PDE3B: variants seen among roughly 807,000 people sequenced by gnomAD.
PDE3B encodes cGMP-inhibited 3',5'-cyclic phosphodiesterase 3B.
PDE3B carries 66 observed loss-of-function variants against 116.8 expected under a neutral mutation model. The observed-to-expected ratio is 0.56, with a 90% CI of 0.46 to 0.69. The LOEUF is 0.69. PDE3B is among the 30% of genes least tolerant of loss of function. The pLI, the probability that PDE3B is intolerant of heterozygous loss-of-function variation, is 0.00. For missense variants in PDE3B, 1,384 were observed against 1,368.1 expected, an observed-to-expected ratio of 1.01 and a Z score of -0.18; for synonymous variants, 595 against 533.6, an observed-to-expected ratio of 1.12 and a Z score of -1.59.
intron 1 of PDE3B, among the ~76,000 whole-genome samples, chr11:14,760,488 A>G (rs533575448): frequency 4.0e-4 from 61 of 152,338 alleles, no homozygotes; most frequent in African/African-American, 1.3e-3. Context: ...ATGAATTAGT[A>G]AACAGTTCCT....
At chr11:14,762,444 T>C (rs1857387709) in intron 1 of PDE3B, among the ~76,000 whole-genome samples, 1 of 152,212 alleles carries the variant, frequency 6.6e-6, no homozygotes, top group South Asian at 2.1e-4. Flanking sequence ...GGAATGAATC[T>C]TTATTGAACT....
the PDE3B span, chr11:14,890,308 G>T: frequency 4.3e-6 from 1 of 232,074 alleles, no homozygotes; most frequent in Non-Finnish European, 7.1e-6. Flanking sequence ...TATTTCTCTA[G>T]AATATTATGA....
chr11:14,661,753 A>T (rs1371249150), intron 1 of PDE3B, among the ~76,000 whole-genome samples: 1 of 152,122 alleles, frequency 6.6e-6, no homozygotes, highest in Non-Finnish European at 1.5e-5. Context: ...TAGGCTGGGG[A>T]AGGGGCGCCT....
chr11:14,744,537 AT>A (rs1161097878), intron 1 of PDE3B, among the ~76,000 whole-genome samples: 2 of 152,118 alleles, frequency 1.3e-5, no homozygotes, highest in Non-Finnish European at 2.9e-5. Flanking sequence ...GTATTTTATT[AT>A]TTTTGATGCC....
intron 1 of PDE3B, among the ~76,000 whole-genome samples, chr11:14,770,097 G>A (rs1235352952): frequency 6.6e-6 from 1 of 151,170 alleles, no homozygotes; most frequent in East Asian, 1.9e-4. Flanking sequence ...GTATTATTGT[G>A]GGAAAAGTGT....
intron 1 of PDE3B, among the ~76,000 whole-genome samples, chr11:14,758,649 G>C (rs1857265605): frequency 6.8e-6 from 1 of 146,996 alleles, no homozygotes; most frequent in South Asian, 2.2e-4. Context: ...TTTGTACATT[G>C]ATTTTGTATC....
chr11:14,737,441 G>A (rs944594163), intron 1 of PDE3B, among the ~76,000 whole-genome samples: 3 of 151,726 alleles, frequency 2.0e-5, no homozygotes, highest in Admixed American at 6.6e-5. Flanking sequence ...CTCGTGATCC[G>A]CCAGCCTTGG....
intron 1 of PDE3B, among the ~76,000 whole-genome samples, chr11:14,759,634 C>T (rs1336037895): frequency 2.0e-5 from 3 of 151,230 alleles, no homozygotes; most frequent in Non-Finnish European, 1.5e-5. Flanking sequence ...CTGAAACCTC[C>T]GCCTCCTGGG....
In PDE3B at chr11:14,686,286, G is replaced by C. The variant is rs1854871683; in HGVS notation, c.978+41233G>C. On this transcript the variant is annotated intron_variant, in intron 1 of 15. Coordinates refer to ENST00000282096, the MANE Select transcript of PDE3B (RefSeq NM_000922.4). Reference sequence around the variant, plus strand: ...CTGAGTCTATATTTTCAACCCTTATGTGCTAATGACAAATATTTAATTCCA... The same window carrying C: ...CTGAGTCTATATTTTCAACCCTTATCTGCTAATGACAAATATTTAATTCCA... Among the ~76,000 whole-genome samples the C allele has an allele frequency of 4.6e-5, 7 of 152,214 alleles. No homozygotes were observed. In the South Asian group the frequency reaches 1.5e-3, roughly 32 times the overall value.
intron 7 of PDE3B, among the ~76,000 whole-genome samples, chr11:14,826,496 CACACAAACTA>C (rs1412281696): frequency 6.6e-5 from 10 of 152,124 alleles, no homozygotes; most frequent in African/African-American, 1.2e-4. Flanking sequence ...CACCTCTTTA[CACACAAACTA>C]GAAAACCTAG....
At chr11:14,750,374 A>G (rs1383941045) in intron 1 of PDE3B, among the ~76,000 whole-genome samples, 3 of 152,136 alleles carry the variant, frequency 2.0e-5, no homozygotes, top group Non-Finnish European at 4.4e-5. Context: ...GATTATTTCA[A>G]ATCATAAATT....
chr11:14,841,043 G>C (rs1190338675), intron 11 of PDE3B, among the ~76,000 whole-genome samples: 1 of 152,052 alleles, frequency 6.6e-6, no homozygotes, highest in Non-Finnish European at 1.5e-5. Flanking sequence ...ATTTCCTTCA[G>C]GGTATTTTTT....
chr11:14,858,114 T>C (rs1194379155), intron 12 of PDE3B, among the ~76,000 whole-genome samples: 1 of 152,216 alleles, frequency 6.6e-6, no homozygotes, highest in Non-Finnish European at 1.5e-5. Context: ...TAGCTAATTT[T>C]CACAAATAAG....
chr11:14,708,223 T>C (rs1345404117), intron 1 of PDE3B, among the ~76,000 whole-genome samples: 1 of 152,054 alleles, frequency 6.6e-6, no homozygotes, highest in Non-Finnish European at 1.5e-5. Context: ...ATCTCTCTCT[T>C]GCTTCTTTTT....
intron 1 of PDE3B, among the ~76,000 whole-genome samples, chr11:14,646,348 A>G (rs899294923): frequency 3.9e-5 from 6 of 152,202 alleles, no homozygotes; most frequent in Admixed American, 2.6e-4. Context: ...TAATGTTCCA[A>G]TGACACAATA....
At chr11:14,868,720 T>C (rs925877629) in intron 15 of PDE3B, among the ~76,000 whole-genome samples, 2 of 152,190 alleles carry the variant, frequency 1.3e-5, no homozygotes, top group Non-Finnish European at 2.9e-5. Flanking sequence ...AACCTCCCAC[T>C]GCAACACACA....
At chr11:14,796,120 G>C (rs1429549826) in intron 4 of PDE3B, among the ~76,000 whole-genome samples, 1 of 152,132 alleles carries the variant, frequency 6.6e-6, no homozygotes, top group Non-Finnish European at 1.5e-5. Context: ...GTGAGAACAT[G>C]TGGTGTTTGG....
At position 14,871,312 on chromosome 11, in the gene PDE3B, C is replaced by A. The variant is rs1194992819; in HGVS notation, c.*1652C>A. 1.3e-5 allele frequency: 2 copies of A among 152,116 alleles called. No individual in the cohort carries two copies. The highest frequency in any genetic ancestry group is 4.8e-5 in the African/African-American group (2 of 41,442). 9.4% of individuals were successfully genotyped at this position (152,116 alleles called of 1,614,324 possible). On this transcript the variant is annotated 3_prime_UTR_variant, in exon 16 of 16. Transcript: ENST00000282096. ...TGCCACTTTTGTTACCATTGTCACA[C>A]ACTATGTGTAAACCAGTCCCACCAC... is the stretch of plus-strand genomic sequence containing the variant.
intron 1 of PDE3B, among the ~76,000 whole-genome samples, chr11:14,700,170 A>G (rs986587300): frequency 6.6e-6 from 1 of 151,778 alleles, no homozygotes; most frequent in African/African-American, 2.4e-5. Flanking sequence ...TAATTGGTTA[A>G]CATGTGGCTG....
Sources: gnomAD v4.1 joint callset for allele counts (sites outside exome capture counted in the v4.1 genomes callset) on GRCh38, gnomAD v4.1.1 for gene constraint, MANE v1.5 for transcripts, NCBI Gene and HGNC (gene_info 2026-07-23, HGNC 2026-07-21) for gene names.